The following CAMK1D variants were observed in gnomAD, a reference collection of about 807,000 sequenced individuals.
The protein encoded by CAMK1D is calcium/calmodulin-dependent protein kinase type 1D.
In CAMK1D, 9 loss-of-function variants were observed where a neutral mutation model predicts 47.7. The observed-to-expected ratio is 0.19, with a 90% CI of 0.11 to 0.33. The LOEUF is 0.33. Ranked by LOEUF, CAMK1D falls within the 10% of genes least tolerant of loss-of-function variation. The pLI is 1.00. For missense variants in CAMK1D, 291 were observed against 488.7 expected (o/e 0.60, Z 3.81); for synonymous variants, 184 against 184.9 (o/e 0.99, Z 0.04).
At chr10:12,448,839 C>T (rs996935710) in intron 1 of CAMK1D, among the ~76,000 whole-genome samples, 3 of 152,138 alleles carry the variant, frequency 2.0e-5, no homozygotes, top group Admixed American at 6.5e-5. Flanking sequence ...ATCACAGGGG[C>T]ACGTACGGCT....
intron 4 of CAMK1D, among the ~76,000 whole-genome samples, chr10:12,762,030 A>G (rs561588370): frequency 2.0e-4 from 30 of 152,364 alleles, no homozygotes; most frequent in African/African-American, 9.6e-5. Flanking sequence ...CAGCAGGTCT[A>G]TGTAGACACT....
intron 3 of CAMK1D, among the ~76,000 whole-genome samples, chr10:12,700,322 GTTC>G (rs561064068): frequency 8.7e-4 from 132 of 152,320 alleles, no homozygotes; most frequent in African/African-American, 3.0e-3. Flanking sequence ...AAGCAAACAT[GTTC>G]TTCTTCACGT....
At chr10:12,501,414 G>T (rs1834698933) in intron 1 of CAMK1D, among the ~76,000 whole-genome samples, 1 of 152,152 alleles carries the variant, frequency 6.6e-6, no homozygotes. Context: ...CTTACCTGGG[G>T]CGTGAGTGCG....
intron 1 of CAMK1D, among the ~76,000 whole-genome samples, chr10:12,430,564 A>G (rs1372306938): frequency 2.6e-5 from 4 of 152,336 alleles, no homozygotes; most frequent in Non-Finnish European, 5.9e-5. Context: ...AGAACGAGGC[A>G]GTACATTGCT....
chr10:12,788,045 G>A (rs7079952), intron 5 of CAMK1D, among the ~76,000 whole-genome samples: 137,830 of 152,256 alleles, frequency 0.91, 63,870 homozygotes, highest in Non-Finnish European at 1. Flanking sequence ...AACAAGAGAT[G>A]TATATTCTTG....
At chr10:12,483,292 C>T (rs1049835128) in intron 1 of CAMK1D, among the ~76,000 whole-genome samples, 6 of 152,018 alleles carry the variant, frequency 3.9e-5, no homozygotes, top group African/African-American at 7.3e-5. Flanking sequence ...GCCTCAACCT[C>T]CTGGGCTCAA....
At chr10:12,654,156 A>G (rs1210104098) in intron 2 of CAMK1D, among the ~76,000 whole-genome samples, 2 of 152,250 alleles carry the variant, frequency 1.3e-5, no homozygotes, top group East Asian at 1.9e-4. Context: ...AGCGTCTTCA[A>G]TCTGGGGCAC....
chr10:12,421,409 C>T (rs1840044047), intron 1 of CAMK1D, among the ~76,000 whole-genome samples: 1 of 150,858 alleles, frequency 6.6e-6, no homozygotes. Context: ...CGCAGTATAG[C>T]TGAGTCCAGC....
intron 3 of CAMK1D, among the ~76,000 whole-genome samples, chr10:12,759,605 G>A (rs375471269): frequency 3.9e-4 from 59 of 152,200 alleles, no homozygotes; most frequent in African/African-American, 1.2e-3. Flanking sequence ...AGTCGTTTCC[G>A]TTTCTTTTCA....
At chr10:12,367,917 G>A (rs1349644346) in intron 1 of CAMK1D, among the ~76,000 whole-genome samples, 1 of 152,192 alleles carries the variant, frequency 6.6e-6, no homozygotes, top group Non-Finnish European at 1.5e-5. Flanking sequence ...CTTTGGCCAG[G>A]CGCAGTGGCT....
At chr10:12,451,894 T>G (rs537972267) in intron 1 of CAMK1D, among the ~76,000 whole-genome samples, 1 of 152,154 alleles carries the variant, frequency 6.6e-6, no homozygotes, top group Non-Finnish European at 1.5e-5. Context: ...CTCTGGCCGA[T>G]GGGCCTTCGA....
rs765132599 is a variant in CAMK1D at position 12,349,922 on chromosome 10, C to T, written c.92+12C>T. The T allele has an allele frequency of 1.3e-6, 2 of 1,516,182 alleles. No individual in the cohort carries two copies. The highest frequency in any genetic ancestry group is 1.8e-6 in the Non-Finnish European group (2 of 1,122,876). The allele number at this position is 1,516,182 out of a possible 1,614,324, so 93.9% of individuals were successfully genotyped here. On this transcript the variant is annotated intron_variant, in intron 1 of 10. Transcript: ENST00000619168. ...GAGACCCTCGGAACGTAAGTGGGGA[C>T]CGGGGAGGCGAGGGTGGAGGTGGCC...
At chr10:12,462,852 T>G (rs1046084926) in intron 1 of CAMK1D, among the ~76,000 whole-genome samples, 3 of 152,184 alleles carry the variant, frequency 2.0e-5, no homozygotes, top group Non-Finnish European at 4.4e-5. Context: ...TGCACCACCA[T>G]GCCCAGCTTG....
intron 10 of CAMK1D, among the ~76,000 whole-genome samples, chr10:12,826,475 G>C (rs1833212244): frequency 6.6e-6 from 1 of 152,124 alleles, no homozygotes. Flanking sequence ...CTTCGTCTTT[G>C]CATGGGCTAT....
intron 3 of CAMK1D, among the ~76,000 whole-genome samples, chr10:12,695,074 A>AGATACATAGGTG (rs1833226714): frequency 7.5e-6 from 1 of 133,392 alleles, no homozygotes; most frequent in South Asian, 2.6e-4. Context: ...ATACATAGGT[A>AGATACATAGGTG]GATACATAGA....
At chr10:12,764,766 T>C (rs915235245) in intron 4 of CAMK1D, among the ~76,000 whole-genome samples, 1 of 152,190 alleles carries the variant, frequency 6.6e-6, no homozygotes, top group Non-Finnish European at 1.5e-5. Context: ...CTTGACAGCA[T>C]TCTTGTTTCA....
intron 3 of CAMK1D, among the ~76,000 whole-genome samples, chr10:12,732,694 C>G (rs1217428775): frequency 6.7e-6 from 1 of 150,326 alleles, no homozygotes; most frequent in Non-Finnish European, 1.5e-5. Flanking sequence ...CTGTCCCTCC[C>G]ACAACACATG....
At chr10:12,781,649 CTTTTTTTTT>C (rs145484733) in intron 5 of CAMK1D, among the ~76,000 whole-genome samples, 37,359 of 137,244 alleles carry the variant, frequency 0.27, 4,947 homozygotes, top group Middle Eastern at 0.4. Context: ...TTTGGCGATA[CTTTTTTTTT>C]TTTTTTTTTT....
intron 1 of CAMK1D, among the ~76,000 whole-genome samples, chr10:12,549,411 T>C (rs964308224): frequency 1.3e-5 from 2 of 152,236 alleles, no homozygotes; most frequent in Non-Finnish European, 2.9e-5. Flanking sequence ...TTTATGGCTA[T>C]TCTGTTATAT....
Sources: allele counts gnomAD v4.1 joint callset (sites outside exome capture counted in the v4.1 genomes callset), GRCh38; gene constraint gnomAD v4.1.1; transcripts MANE v1.5; gene names NCBI Gene and HGNC (gene_info 2026-07-23, HGNC 2026-07-21).